The following FAM168A variants were observed in gnomAD, a reference collection of about 807,000 sequenced individuals.
FAM168A encodes protein FAM168A.
In FAM168A, 3 loss-of-function variants were observed where a neutral mutation model predicts 28.5. The observed-to-expected ratio is 0.11, with a 90% CI of 0.05 to 0.27. The LOEUF is 0.27. Among genes scored for constraint, FAM168A ranks in the 10% least tolerant of loss-of-function variants. FAM168A has a pLI of 1.00. For synonymous variants in FAM168A, 122 were observed against 124.2 expected (o/e 0.98, Z 0.12); for missense variants, 222 against 311.5 (o/e 0.71, Z 2.16).
intron 1 of FAM168A, among the ~76,000 whole-genome samples, chr11:73,517,091 T>C (rs768884247): frequency 6.6e-6 from 1 of 152,148 alleles, no homozygotes; most frequent in Non-Finnish European, 1.5e-5. Flanking sequence ...AGACCACTGA[T>C]TCTACATACT....
chr11:73,591,603 G>C (rs986475970), intron 1 of FAM168A, among the ~76,000 whole-genome samples: 6 of 152,072 alleles, frequency 3.9e-5, no homozygotes, highest in African/African-American at 1.4e-4. Context: ...TCAAATTCCT[G>C]GGCTCAAGTG....
At chr11:73,413,342 C>T (rs1293635811) in intron 4 of FAM168A, among the ~76,000 whole-genome samples, 1 of 152,152 alleles carries the variant, frequency 6.6e-6, no homozygotes, top group Non-Finnish European at 1.5e-5. Flanking sequence ...ATGGAAAGTA[C>T]ATATGAAAGA....
Position 73,404,758 on chromosome 11 carries a change from C to T in FAM168A, c.*2005G>A, listed in dbSNP as rs1453734450. On this transcript the variant is annotated 3_prime_UTR_variant, in exon 8 of 8. Coordinates refer to ENST00000356467, the MANE Select transcript of FAM168A (RefSeq NM_015159.3). ...TGGGAATGGCTAGACAGCTTCTGAGCTCCTTCCAACCCAAGGGTTTCCTGA... is the reference window on the plus strand; with the variant it reads ...TGGGAATGGCTAGACAGCTTCTGAGTTCCTTCCAACCCAAGGGTTTCCTGA... The T allele has an allele frequency of 6.6e-6, 1 of 152,222 alleles. No homozygotes were observed. The highest frequency in any genetic ancestry group is 1.9e-4 in the East Asian group (1 of 5,202). 9.4% of individuals were successfully genotyped at this position (152,222 alleles called of 1,614,324 possible).
At chr11:73,523,850 GTC>G (rs1428377112) in intron 1 of FAM168A, among the ~76,000 whole-genome samples, 1 of 121,576 alleles carries the variant, frequency 8.2e-6, no homozygotes, top group Non-Finnish European at 1.6e-5. Flanking sequence ...ATCTGAAAAT[GTC>G]TCTTTTCCCC....
intron 3 of FAM168A, among the ~76,000 whole-genome samples, chr11:73,427,294 A>G (rs1333026371): frequency 6.6e-6 from 1 of 152,028 alleles, no homozygotes; most frequent in East Asian, 1.9e-4. Context: ...CCCAGCCTGG[A>G]AATATGTTGA....
chr11:73,551,537 T>C (rs368011693), intron 1 of FAM168A, among the ~76,000 whole-genome samples: 13 of 152,346 alleles, frequency 8.5e-5, no homozygotes, highest in African/African-American at 2.4e-4. Flanking sequence ...TGCACTCCTT[T>C]ATTCAATAGC....
chr11:73,491,819 T>C (rs1215396488), intron 1 of FAM168A, among the ~76,000 whole-genome samples: 1 of 152,218 alleles, frequency 6.6e-6, no homozygotes, highest in African/African-American at 2.4e-5. Context: ...TAATCCCCAA[T>C]TCTTTTCCCC....
At chr11:73,458,193 T>C (rs975848201) in intron 2 of FAM168A, among the ~76,000 whole-genome samples, 5 of 152,180 alleles carry the variant, frequency 3.3e-5, no homozygotes, top group African/African-American at 1.2e-4. Context: ...CAACTTTTTG[T>C]AGAGAACAGG....
chr11:73,482,923 A>G (rs1867987383), intron 1 of FAM168A, among the ~76,000 whole-genome samples: 1 of 152,088 alleles, frequency 6.6e-6, no homozygotes, highest in South Asian at 2.1e-4. Flanking sequence ...TATTTTTAGT[A>G]GAGACGAGGT....
At chr11:73,504,161 A>T (rs1299214197) in intron 1 of FAM168A, among the ~76,000 whole-genome samples, 1 of 152,234 alleles carries the variant, frequency 6.6e-6, no homozygotes, top group Non-Finnish European at 1.5e-5. Flanking sequence ...AATGGGATCT[A>T]ATTAAACTAA....
chr11:73,489,986 C>A (rs1482128005), intron 1 of FAM168A, among the ~76,000 whole-genome samples: 3 of 152,084 alleles, frequency 2.0e-5, no homozygotes, highest in Non-Finnish European at 4.4e-5. Context: ...TCTCAAAGCC[C>A]CCTTATCTAA....
chr11:73,416,479 C>T (rs191474814), intron 4 of FAM168A, among the ~76,000 whole-genome samples: 109 of 152,238 alleles, frequency 7.2e-4, no homozygotes, highest in Non-Finnish European at 1.4e-3. Flanking sequence ...CCAAGTGAGA[C>T]AGTGATGAAT....
chr11:73,479,348 T>C (rs1263028724), intron 1 of FAM168A, among the ~76,000 whole-genome samples: 1 of 152,186 alleles, frequency 6.6e-6, no homozygotes, highest in Middle Eastern at 3.2e-3. Flanking sequence ...CTGAACCTAA[T>C]CCTATTTAAT....
At chr11:73,575,320 T>C (rs1020183019) in intron 1 of FAM168A, among the ~76,000 whole-genome samples, 1 of 152,206 alleles carries the variant, frequency 6.6e-6, no homozygotes, top group African/African-American at 2.4e-5. Context: ...CAATCAGATA[T>C]ATACATCTGA....
chr11:73,441,692 T>C (rs777097138), intron 2 of FAM168A, among the ~76,000 whole-genome samples: 160 of 152,356 alleles, frequency 1.1e-3, no homozygotes, highest in Non-Finnish European at 2.0e-3. Context: ...AATTCTCTCT[T>C]ATAGGTCTAG....
rs1590746583 is a variant in FAM168A, at chr11:73,402,716, C to T, written c.*4047G>A. The T allele has an allele frequency of 6.6e-6, 1 of 152,376 alleles. No individual in the cohort carries two copies. Among genetic ancestry groups the T allele is most frequent in the Admixed American group, 6.5e-5 (1 of 15,306 alleles). The allele number at this position is 152,376 out of a possible 1,614,324, so 9.4% of individuals were successfully genotyped here. ...TGGGTCTCCCAATAGAAAGATGCCT[C>T]GTGCTGTCCTTGAACATGTCTTCGG... On this transcript the variant is annotated 3_prime_UTR_variant, in exon 8 of 8. Coordinates refer to ENST00000356467, the MANE Select transcript of FAM168A (RefSeq NM_015159.3).
rs1408949324 is a variant in FAM168A at position 73,403,735 on chromosome 11, A to G, written c.*3028T>C. On this transcript the variant is annotated 3_prime_UTR_variant, in exon 8 of 8. Coordinates refer to ENST00000356467, the MANE Select transcript of FAM168A (RefSeq NM_015159.3). ...TCAGTCCTTTTGCAGTGACTCCCCA[A>G]GCTTGGCTAGGCTTGTGGATCTCCA... The G allele has an allele frequency of 1.3e-5, 2 of 152,156 alleles. No homozygotes were observed. Among genetic ancestry groups the G allele is most frequent in the Non-Finnish European group, 1.5e-5 (1 of 68,028 alleles). 9.4% of individuals were successfully genotyped at this position (152,156 alleles called of 1,614,324 possible).
At chr11:73,480,687 T>C (rs1383023987) in intron 1 of FAM168A, among the ~76,000 whole-genome samples, 2 of 151,586 alleles carry the variant, frequency 1.3e-5, no homozygotes, top group Non-Finnish European at 2.9e-5. Flanking sequence ...GAGTTAACAA[T>C]GACCATTTTA....
intron 1 of FAM168A, among the ~76,000 whole-genome samples, chr11:73,594,082 C>T (rs1179322402): frequency 6.6e-6 from 1 of 151,988 alleles, no homozygotes; most frequent in Non-Finnish European, 1.5e-5. Flanking sequence ...GGTTTGTTCC[C>T]CTTGACAGCC....
Sources: gnomAD v4.1 joint callset for allele counts (sites outside exome capture counted in the v4.1 genomes callset) on GRCh38, gnomAD v4.1.1 for gene constraint, MANE v1.5 for transcripts, NCBI Gene and HGNC (gene_info 2026-07-23, HGNC 2026-07-21) for gene names.